Variants in WASHC2C observed in about 807,000 individuals in gnomAD.
WASHC2C encodes the protein Vaccinia Penetration Factor.
WASHC2C carries 73 observed loss-of-function variants against 142.2 expected under a neutral mutation model. That is an observed-to-expected ratio of 0.51 (90% CI 0.43 to 0.62). The LOEUF (loss-of-function observed/expected upper bound fraction) is 0.62, where lower values mean the gene tolerates loss of function less well. Ranked by LOEUF, WASHC2C falls within the 20% of genes least tolerant of loss-of-function variation. WASHC2C has a pLI of 0.00. For missense variants in WASHC2C, 969 were observed against 1,531.7 expected (o/e 0.63, Z 6.13); for synonymous variants, 337 against 565.5 (o/e 0.60, Z 5.73).
chr10:45,745,900 C>A (rs1189687313), intron 7 of WASHC2C, among the ~76,000 whole-genome samples: 4 of 140,998 alleles, frequency 2.8e-5, no homozygotes, highest in Non-Finnish European at 6.2e-5. Flanking sequence ...AGGTATATCT[C>A]CCAATGCTAT....
intron 26 of WASHC2C, chr10:45,786,019 C>T (rs1320294694): frequency 3.7e-6 from 1 of 272,638 alleles, no homozygotes; most frequent in South Asian, 4.0e-5. Context: ...TTGCCTCTCC[C>T]GAGGTCATTG....
At chr10:45,764,706 G>A (rs1480359318) in intron 18 of WASHC2C, among the ~76,000 whole-genome samples, 2 of 152,212 alleles carry the variant, frequency 1.3e-5, no homozygotes, top group African/African-American at 2.4e-5. Flanking sequence ...CAGGAACCTG[G>A]GGCAAGTAAC....
At chr10:45,771,152 G>A (rs1554884486) in intron 20 of WASHC2C, among the ~76,000 whole-genome samples, 1 of 151,874 alleles carries the variant, frequency 6.6e-6, no homozygotes, top group Non-Finnish European at 1.5e-5. Context: ...AGATCACGAG[G>A]TCAGGAGTTG....
intron 30 of WASHC2C, among the ~76,000 whole-genome samples, chr10:45,790,973 C>T (rs1208185547): frequency 4.3e-4 from 65 of 152,232 alleles, no homozygotes; most frequent in African/African-American, 1.6e-3. Flanking sequence ...CAAGTCTAGA[C>T]CTGGGTGTAG....
chr10:45,763,041 A>G (rs2260958), intron 17 of WASHC2C, among the ~76,000 whole-genome samples: 15 of 151,682 alleles, frequency 9.9e-5, no homozygotes, highest in Admixed American at 8.5e-4. Flanking sequence ...TTCTTTAGAC[A>G]GTAATGGGAA....
chr10:45,784,481 G>A lies in WASHC2C; in HGVS notation c.2479-84G>A, dbSNP rs1234940347. On this transcript the variant is annotated intron_variant, in intron 23 of 30. Coordinates refer to ENST00000623400, the MANE Select transcript of WASHC2C (RefSeq NM_001330074.2). ...TAATACAGCTGCAGGGGACATCTTT[G>A]TTGTGTCCATCTTTACATATGTAAC... 7.5e-6 allele frequency: 11 copies of A among 1,466,616 alleles called. No individual in the cohort carries two copies. The African/African-American group carries it at 1.4e-4, about 19-fold the overall frequency. The allele number at this position is 1,466,616 out of a possible 1,614,324, so 90.9% of individuals were successfully genotyped here.
intron 28 of WASHC2C, 63 bp downstream of exon 28, chr10:45,787,310 T>C: frequency 1.4e-6 from 1 of 719,914 alleles, no homozygotes; most frequent in Non-Finnish European, 2.3e-6. Context: ...TATGCTTCTT[T>C]CTAGTTTATC....
rs1419970802 is a variant in WASHC2C at position 45,759,463 on chromosome 10, T to C, written c.1635+62T>C. 36 of 1,291,702 alleles carry C rather than the reference T, an allele frequency of 2.8e-5. 1 individual carries two copies. Among genetic ancestry groups the C allele is most frequent in the East Asian group, 1.7e-4 (7 of 40,432 alleles). 80.0% of individuals were successfully genotyped at this position (1,291,702 alleles called of 1,614,324 possible). A position where few individuals can be genotyped will look rare whatever the true frequency, so the allele number is the denominator to read the frequency against. On this transcript the variant is annotated intron_variant, in intron 17 of 30. Coordinates refer to ENST00000623400, the MANE Select transcript of WASHC2C (RefSeq NM_001330074.2). ...TATGGATATGACATAGAAACTATTT[T>C]TGAATCAGGTTTTTCTCAATAGAGT...
rs782409930 is a variant in WASHC2C, at chr10:45,754,969, C to T, written c.1274C>T (p.Pro425Leu). The T allele has an allele frequency of 1.9e-6, 3 of 1,611,968 alleles. No individual in the cohort carries two copies. The highest frequency in any genetic ancestry group is 2.2e-5 in the South Asian group (2 of 90,986). The part of the protein sequence containing the change: ...DTDVFGAASV[P>L]SLKEPQKPEQ... ...GATGTGTTTGGTGCTGCCTCCGTTC[C>T]ATCACTGAAGGAGCCACAGAAGCCT... The change falls in exon 15 of 31, where the codon CCA becomes CTA. Residue 425 changes from proline (P) to leucine (L), a missense_variant. Coordinates refer to ENST00000623400, the MANE Select transcript of WASHC2C (RefSeq NM_001330074.2).
rs199955474 is a variant in WASHC2C, at chr10:45,765,760, G to A, written c.1819G>A (p.Glu607Lys). The A allele has an allele frequency of 3.4e-4, 548 of 1,611,240 alleles. No individual in the cohort carries two copies. The African/African-American group carries it at 4.2e-3, about 12-fold the overall frequency. ...AQREEKAKASELSKKKASALL... is the reference protein window; with the variant it reads ...AQREEKAKASKLSKKKASALL... The stretch of plus-strand genomic sequence containing the variant: ...GAGAGAAGAGAAAGCAAAAGCCTCC[G>A]AGCTCTCCAAAAAGAAAGCATCTGC... The change falls in exon 19 of 31, where the codon GAG becomes AAG. Residue 607 changes from glutamate (E) to lysine (K), a missense_variant. Coordinates refer to ENST00000623400, the MANE Select transcript of WASHC2C (RefSeq NM_001330074.2).
At chr10:45,747,265 C>T (rs1396129589) in intron 8 of WASHC2C, among the ~76,000 whole-genome samples, 3 of 152,096 alleles carry the variant, frequency 2.0e-5, no homozygotes, top group East Asian at 3.9e-4. Context: ...CTCAGCCTCC[C>T]GAGTAGCTGG....
At chr10:45,728,337 G>A (rs963484485) in intron 2 of WASHC2C, among the ~76,000 whole-genome samples, 5 of 152,060 alleles carry the variant, frequency 3.3e-5, no homozygotes, top group Non-Finnish European at 5.9e-5. Context: ...TGCCAAAAAG[G>A]GATTTTAAAT....
chr10:45,744,570 C>T (rs1402665132), intron 6 of WASHC2C, among the ~76,000 whole-genome samples: 20 of 152,146 alleles, frequency 1.3e-4, no homozygotes, highest in Non-Finnish European at 1.3e-4. Context: ...CTTTTTATGA[C>T]CCTGACATCT....
intron 18 of WASHC2C, among the ~76,000 whole-genome samples, chr10:45,764,038 T>A (rs1554881221): frequency 6.6e-6 from 1 of 151,756 alleles, no homozygotes; most frequent in African/African-American, 2.4e-5. Context: ...ATCTACAGGT[T>A]TTATTTTTAG....
chr10:45,742,023 G>C (rs2052132306), intron 5 of WASHC2C, among the ~76,000 whole-genome samples: 1 of 151,334 alleles, frequency 6.6e-6, no homozygotes, highest in African/African-American at 2.4e-5. Context: ...TTGAACTCCT[G>C]ACCTCAAGTG....
At chr10:45,746,529 T>G (rs1195284991) in intron 7 of WASHC2C, 71 bp from the exon 8 acceptor site, 1 of 1,559,900 alleles carries the variant, frequency 6.4e-7, no homozygotes, top group African/African-American at 1.4e-5. Flanking sequence ...CCCAGAGACT[T>G]AGACCTGCAA....
At chr10:45,765,440 TCTC>T (rs2055679766) in intron 18 of WASHC2C, among the ~76,000 whole-genome samples, 1 of 149,750 alleles carries the variant, frequency 6.7e-6, no homozygotes, top group Non-Finnish European at 1.5e-5. Flanking sequence ...TGCATGTTGT[TCTC>T]CTGCTTATAT....
At chr10:45,729,790 C>T (rs1203299) in intron 3 of WASHC2C, among the ~76,000 whole-genome samples, 144,560 of 144,560 alleles carry the variant, frequency 1, 72,280 homozygotes, top group Non-Finnish European at 1. Flanking sequence ...AGCGATCTCC[C>T]GAGATTGTTA....
At chr10:45,790,280 T>A in intron 29 of WASHC2C, 76 bp from the exon 30 acceptor site, 1 of 1,605,672 alleles carries the variant, frequency 6.2e-7, no homozygotes, top group Non-Finnish European at 8.5e-7. Context: ...TGCATTTCCA[T>A]AGCTTGTTGA....
Sources: allele counts gnomAD v4.1 joint callset (sites outside exome capture counted in the v4.1 genomes callset), GRCh38; gene constraint gnomAD v4.1.1; transcripts MANE v1.5; gene names NCBI Gene and HGNC (gene_info 2026-07-23, HGNC 2026-07-21).